Variants in PRDM1 observed in about 807,000 individuals in gnomAD.
PRDM1 encodes the protein PR domain zinc finger protein 1.
PRDM1 carries 13 observed loss-of-function variants against 62.8 expected under a neutral mutation model. That is an observed-to-expected ratio of 0.21 (90% CI 0.13 to 0.33). The LOEUF (loss-of-function observed/expected upper bound fraction) is 0.33. Ranked by LOEUF, PRDM1 falls within the 10% of genes least tolerant of loss-of-function variation. The pLI is 1.00. For synonymous variants in PRDM1, 396 were observed against 417.6 expected (o/e 0.95, Z 0.63); for missense variants, 895 against 1,058.8 (o/e 0.85, Z 2.15).
At chr6:105,992,695 A>G (rs192594632), upstream of PRDM1, among the ~76,000 whole-genome samples, 212 of 152,242 alleles carry the variant, frequency 1.4e-3, 1 homozygote, top group African/African-American at 4.9e-3. Context: ...AATGAAAGCT[A>G]TATTTTGGGC....
At chr6:106,079,155 G>A (rs1344843950) in intron 1 of PRDM1, among the ~76,000 whole-genome samples, 5 of 151,930 alleles carry the variant, frequency 3.3e-5, no homozygotes, top group Admixed American at 3.3e-4. Context: ...AGTAGAGACG[G>A]GGTTTCACCA....
At chr6:106,027,519 G>A (rs1202819991) in intron 1 of PRDM1, among the ~76,000 whole-genome samples, 1 of 152,174 alleles carries the variant, frequency 6.6e-6, no homozygotes, top group African/African-American at 2.4e-5. Context: ...GCCCTAATGG[G>A]AGGGCGGACT....
At chr6:106,043,727 T>A (rs1448671844), upstream of PRDM1, among the ~76,000 whole-genome samples, 1 of 152,094 alleles carries the variant, frequency 6.6e-6, no homozygotes, top group Non-Finnish European at 1.5e-5. Flanking sequence ...AGAGACGGCG[T>A]TTCTCCCTGT....
rs192989174 is a variant in PRDM1 at position 106,016,361 on chromosome 6, T to C, written c.-67+22722T>C. On this transcript the variant is annotated intron_variant, in intron 1 of 6. Transcript: ENST00000652320. Reference sequence around the variant, plus strand: ...TACATTTATCTTTTTATTTACTTTTTAAAAATTTATATTATTTACATTTAT... The same window carrying C: ...TACATTTATCTTTTTATTTACTTTTCAAAAATTTATATTATTTACATTTAT... 1.6e-4 allele frequency among the ~76,000 whole-genome samples: 24 copies of C among 152,228 alleles called. No homozygotes were observed. The East Asian group carries it at 4.4e-3, about 28-fold the overall frequency.
At chr6:105,996,156 A>T (rs1290801131) in intron 1 of PRDM1, among the ~76,000 whole-genome samples, 1 of 152,196 alleles carries the variant, frequency 6.6e-6, no homozygotes, top group Non-Finnish European at 1.5e-5. Flanking sequence ...CTCATAAACT[A>T]AGTCTTATAA....
intron 1 of PRDM1, among the ~76,000 whole-genome samples, chr6:105,996,840 G>A (rs890910245): frequency 6.6e-6 from 1 of 152,298 alleles, no homozygotes; most frequent in African/African-American, 2.4e-5. Flanking sequence ...CTATGTTTCT[G>A]ACACAAATTA....
intron 1 of PRDM1, among the ~76,000 whole-genome samples, chr6:106,067,734 T>C (rs1773455182): frequency 6.6e-6 from 1 of 151,840 alleles, no homozygotes; most frequent in African/African-American, 2.4e-5. Flanking sequence ...GAATGGGGAG[T>C]TATTGCTTAA....
intron 1 of PRDM1, among the ~76,000 whole-genome samples, chr6:106,001,784 T>C (rs1430291795): frequency 6.6e-6 from 1 of 152,204 alleles, no homozygotes; most frequent in African/African-American, 2.4e-5. Flanking sequence ...TTTTTCAAAA[T>C]TGTCTTGGTT....
chr6:106,021,080 A>T (rs557440409), intron 1 of PRDM1, among the ~76,000 whole-genome samples: 15 of 152,222 alleles, frequency 9.9e-5, no homozygotes, highest in Non-Finnish European at 1.8e-4. Context: ...CTTATTAAAG[A>T]TAGTTTTATT....
chr6:106,052,287 T>A (rs959978946), intron 1 of PRDM1, among the ~76,000 whole-genome samples: 19 of 152,206 alleles, frequency 1.2e-4, no homozygotes, highest in African/African-American at 3.9e-4. Context: ...GCTAACATGA[T>A]TAAGACATAG....
chr6:106,065,225 TG>T (rs750074956), intron 1 of PRDM1, among the ~76,000 whole-genome samples: 2 of 152,238 alleles, frequency 1.3e-5, no homozygotes, highest in Admixed American at 6.5e-5. Flanking sequence ...CTCAAACCCC[TG>T]GGCTCAAGCA....
At chr6:106,026,610 G>A (rs989319080) in intron 1 of PRDM1, among the ~76,000 whole-genome samples, 5 of 152,160 alleles carry the variant, frequency 3.3e-5, no homozygotes, top group Non-Finnish European at 7.4e-5. Context: ...GTGGGTGAAG[G>A]GTGAACTAAG....
At chr6:106,004,690 A>G (rs1380161226) in intron 1 of PRDM1, among the ~76,000 whole-genome samples, 1 of 152,208 alleles carries the variant, frequency 6.6e-6, no homozygotes. Flanking sequence ...AATGGTGATA[A>G]CGGTATGTAT....
At chr6:106,038,370 G>A (rs141040931) in intron 1 of PRDM1, among the ~76,000 whole-genome samples, 155 of 152,196 alleles carry the variant, frequency 1.0e-3, no homozygotes, top group African/African-American at 3.5e-3. Flanking sequence ...TAAACTTAAG[G>A]TGTTCTCAGG....
intron 1 of PRDM1, among the ~76,000 whole-genome samples, chr6:106,012,641 C>G (rs1373120470): frequency 6.6e-6 from 1 of 152,112 alleles, no homozygotes; most frequent in African/African-American, 2.4e-5. Flanking sequence ...CCCCTACACA[C>G]TCAGCCCACT....
intron 2 of PRDM1, among the ~76,000 whole-genome samples, chr6:106,091,250 G>A (rs1773951590): frequency 6.6e-6 from 1 of 152,134 alleles, no homozygotes; most frequent in Non-Finnish European, 1.5e-5. Flanking sequence ...TCCCTGTATC[G>A]TGGCTGATAA....
intron 1 of PRDM1, among the ~76,000 whole-genome samples, chr6:106,053,231 T>C (rs1458576842): frequency 6.6e-6 from 1 of 152,198 alleles, no homozygotes; most frequent in Non-Finnish European, 1.5e-5. Context: ...TCTTCTCTAC[T>C]ATCTCCCTGT....
chr6:106,070,508 A>G (rs1308180498), intron 1 of PRDM1, among the ~76,000 whole-genome samples: 4 of 152,178 alleles, frequency 2.6e-5, no homozygotes, highest in Non-Finnish European at 5.9e-5. Context: ...TGTACATAAC[A>G]TTGTAACTAA....
rs2114657021 is a variant in PRDM1 at position 106,105,672 on chromosome 6, C to T, written c.1512C>T (p.Ser504=). 1 of 1,612,410 alleles carries T rather than the reference C, an allele frequency of 6.2e-7. No homozygotes were observed. Among genetic ancestry groups the T allele is most frequent in the Non-Finnish European group, 8.5e-7 (1 of 1,178,760 alleles). ...SAFSFTGAAA[S]MKDKACSPTS... Reference sequence around the variant, plus strand: ...TCTCCTTTACCGGGGCCGCCGCCAGCATGAAGGACAAGGCCTGTAGCCCCA... The same window carrying T: ...TCTCCTTTACCGGGGCCGCCGCCAGTATGAAGGACAAGGCCTGTAGCCCCA... The change falls in exon 5 of 7, where the codon AGC becomes AGT. Residue 504 remains serine (S), a synonymous_variant. Transcript: ENST00000369096.
Sources: gnomAD v4.1 joint callset for allele counts (sites outside exome capture counted in the v4.1 genomes callset) on GRCh38, gnomAD v4.1.1 for gene constraint, MANE v1.5 for transcripts, NCBI Gene and HGNC (gene_info 2026-07-23, HGNC 2026-07-21) for gene names.